VAT1L: variants seen among roughly 807,000 people sequenced by gnomAD.
VAT1L encodes the protein putative NADPH-dependent quinone oxidoreductase VAT1L.
In VAT1L, 34 loss-of-function variants were observed where a neutral mutation model predicts 44.1. That is an observed-to-expected ratio of 0.77 (90% CI 0.59 to 1.03). VAT1L has a LOEUF of 1.03. Ranked by LOEUF, VAT1L falls within the 50% of genes least tolerant of loss-of-function variation. The probability of loss-of-function intolerance (pLI) is 0.00; values close to 1 mark genes in which losing one functional copy is unlikely to be tolerated. For missense variants in VAT1L, 615 were observed against 538.8 expected (o/e 1.14, Z -1.40); for synonymous variants, 253 against 202.2 (o/e 1.25, Z -2.13).
intron 7 of VAT1L, among the ~76,000 whole-genome samples, chr16:77,924,969 G>C (rs2017650343): frequency 6.6e-6 from 1 of 152,122 alleles, no homozygotes; most frequent in Non-Finnish European, 1.5e-5. Flanking sequence ...ATTAAGATAT[G>C]TAAAACTATC....
rs191932960 is a variant in VAT1L at position 77,854,573 on chromosome 16, C to T, written c.580-8175C>T. ...TTGTAAGAAAAACGTAAGTATGGCT[C>T]ATGCATCCAATGTACTTGATTTTGT... On this transcript the variant is annotated intron_variant, in intron 3 of 8. Transcript: ENST00000302536. 3.3e-5 allele frequency among the ~76,000 whole-genome samples: 5 copies of T among 152,318 alleles called. No homozygotes were observed. In the East Asian group the frequency reaches 9.6e-4, roughly 29 times the overall value.
chr16:77,972,385 C>G (rs1316425060), intron 8 of VAT1L, among the ~76,000 whole-genome samples: 3 of 152,142 alleles, frequency 2.0e-5, no homozygotes, highest in African/African-American at 7.2e-5. Context: ...GTAGCACTAT[C>G]TCAACTCACT....
intron 4 of VAT1L, among the ~76,000 whole-genome samples, chr16:77,874,837 T>TG (rs1406487929): frequency 8.0e-6 from 1 of 124,398 alleles, no homozygotes; most frequent in Non-Finnish European, 1.7e-5. Context: ...CAAATTAATT[T>TG]GTAAAAAAAA....
chr16:77,887,560 C>T (rs1380465239), intron 7 of VAT1L, among the ~76,000 whole-genome samples: 1 of 152,156 alleles, frequency 6.6e-6, no homozygotes, highest in Non-Finnish European at 1.5e-5. Context: ...CAGCAAGACT[C>T]ATCTCCAACC....
chr16:77,889,457 G>T (rs1004706483), intron 7 of VAT1L, among the ~76,000 whole-genome samples: 3 of 152,156 alleles, frequency 2.0e-5, no homozygotes, highest in Non-Finnish European at 4.4e-5. Context: ...CAACCAAGCA[G>T]CAGTAACAGT....
intron 7 of VAT1L, among the ~76,000 whole-genome samples, chr16:77,948,891 T>C (rs1343270399): frequency 2.0e-5 from 3 of 152,162 alleles, no homozygotes; most frequent in African/African-American, 7.2e-5. Context: ...GAAGGGACTA[T>C]TCCATGGAAA....
In VAT1L at chr16:77,978,399, T is replaced by C. The variant is rs1403229530; in HGVS notation, c.*704T>C. Reference sequence around the variant, plus strand: ...AGTTTGAGGACCTGCTGTGAAGATTTCTCCTCCAAAATACATCTCATGGGC... The same window carrying C: ...AGTTTGAGGACCTGCTGTGAAGATTCCTCCTCCAAAATACATCTCATGGGC... On this transcript the variant is annotated 3_prime_UTR_variant, in exon 9 of 9. Coordinates refer to ENST00000302536, the MANE Select transcript of VAT1L (RefSeq NM_020927.3). The C allele has an allele frequency of 1.3e-5, 2 of 152,218 alleles. No individual in the cohort carries two copies. Among genetic ancestry groups the C allele is most frequent in the Non-Finnish European group, 2.9e-5 (2 of 68,074 alleles). The allele number at this position is 152,218 out of a possible 1,614,324, so 9.4% of individuals were successfully genotyped here. A position where few individuals can be genotyped will look rare whatever the true frequency, so the allele number is the denominator to read the frequency against.
chr16:77,805,865 C>CTTTTTTTTTTTTT lies in VAT1L; in HGVS notation c.234-11053_234-11041dup, dbSNP rs10689119. Among the ~76,000 whole-genome samples the CTTTTTTTTTTTTT allele has an allele frequency of 6.0e-3, 469 of 78,758 alleles. 60 individuals carry two copies. Among genetic ancestry groups the CTTTTTTTTTTTTT allele is most frequent in the Non-Finnish European group, 8.7e-3 (310 of 35,756 alleles). 51.7% of individuals were successfully genotyped at this position (78,758 alleles called of 152,430 possible). On this transcript the variant is annotated intron_variant, in intron 1 of 8. Transcript: ENST00000302536. Reference sequence around the variant, plus strand: ...GTGTTATTTTTTCCTTAGTCTCTGCCTTTTTTTTTTTTTTTGAGATGGAGT... The same window carrying CTTTTTTTTTTTTT: ...GTGTTATTTTTTCCTTAGTCTCTGCCTTTTTTTTTTTTTTTTTTTTTTTTTTTTGAGATGGAGT...
In VAT1L at chr16:77,872,167, GA is replaced by G. The variant is rs201447990; in HGVS notation, c.723-4201del. Reference sequence around the variant, plus strand: ...CACACAGCATGTAAGTAGCAGAAATGAATGCTTAACACTGAAATAAAATGTA... The same window carrying G: ...CACACAGCATGTAAGTAGCAGAAATGATGCTTAACACTGAAATAAAATGTA... On this transcript the variant is annotated intron_variant, in intron 4 of 8. Coordinates refer to ENST00000302536, the MANE Select transcript of VAT1L (RefSeq NM_020927.3). Among the ~76,000 whole-genome samples the G allele has an allele frequency of 5.2e-3, 790 of 152,278 alleles. 13 individuals are homozygous for G. Among genetic ancestry groups the G allele is most frequent in the Non-Finnish European group, 3.4e-3 (231 of 68,028 alleles).
chr16:77,901,676 G>A (rs185450835), intron 7 of VAT1L, among the ~76,000 whole-genome samples: 105 of 152,130 alleles, frequency 6.9e-4, no homozygotes, highest in Non-Finnish European at 1.3e-3. Context: ...ACACCCCATG[G>A]CAGACATCAC....
Position 77,860,611 on chromosome 16 carries a change from G to A in VAT1L, c.580-2137G>A, listed in dbSNP as rs75459846. Among the ~76,000 whole-genome samples the A allele has an allele frequency of 9.4e-3, 1,435 of 152,298 alleles. 33 individuals are homozygous for A. The highest frequency in any genetic ancestry group is 0.033 in the African/African-American group (1,377 of 41,550). On this transcript the variant is annotated intron_variant, in intron 3 of 8. Transcript: ENST00000302536. ...CAGTAGTAAGAAGGTTATCTCAAGC[G>A]CTGTCCATAAGGAGCTATAACTATG...
At chr16:77,802,568 T>G (rs917797727) in intron 1 of VAT1L, among the ~76,000 whole-genome samples, 1 of 150,838 alleles carries the variant, frequency 6.6e-6, no homozygotes, top group Non-Finnish European at 1.5e-5. Flanking sequence ...GAGCCGAGAT[T>G]GTGCCACTGC....
intron 7 of VAT1L, among the ~76,000 whole-genome samples, chr16:77,886,427 C>T (rs1359260083): frequency 6.6e-6 from 1 of 152,152 alleles, no homozygotes; most frequent in Non-Finnish European, 1.5e-5. Flanking sequence ...TACACTTGAA[C>T]TCAGTGCCCA....
chr16:77,844,492 T>C (rs373290787), intron 3 of VAT1L, among the ~76,000 whole-genome samples: 2 of 152,256 alleles, frequency 1.3e-5, no homozygotes, highest in East Asian at 3.9e-4. Flanking sequence ...CCCTGCAACC[T>C]CCGCCTCCCA....
chr16:77,841,515 G>T (rs9938439), intron 3 of VAT1L, among the ~76,000 whole-genome samples: 2,677 of 152,276 alleles, frequency 0.018, 77 homozygotes, highest in African/African-American at 0.062. Context: ...TGGTAGTCAT[G>T]GGACACTGGA....
Position 77,788,878 on chromosome 16 carries a change from C to A in VAT1L, c.196C>A (p.Pro66Thr). 1 of 1,556,912 alleles carries A rather than the reference C, an allele frequency of 6.4e-7. No homozygotes were observed. Among genetic ancestry groups the A allele is most frequent in the Non-Finnish European group, 8.7e-7 (1 of 1,153,010 alleles). Residue 66 changes from proline (P) to threonine (T), a missense_variant, in exon 1 of 9, where the codon CCT (proline) becomes ACT (threonine). Coordinates refer to ENST00000302536, the MANE Select transcript of VAT1L (RefSeq NM_020927.3). ...GCTCTTCAGGAAGGCCATGCCCGAG[C>A]CTCAGGACGGCGAGCTCAAGATCCG... ...LRLFRKAMPE[P>T]QDGELKIRVK...
chr16:77,879,067 T>C lies in VAT1L; in HGVS notation c.827-102T>C. On this transcript the variant is annotated intron_variant, in intron 5 of 8. Transcript: ENST00000302536. The surrounding 1 kb of genome is among the most constrained non-coding windows in gnomAD (Gnocchi z 4.1). ...GGCTTAATTAAATTTGTTTTCAAGA[T>C]TTCTCCAGTTCCGGACCAAACAATT... 2 of 1,177,404 alleles carry C rather than the reference T, an allele frequency of 1.7e-6. No individual in the cohort carries two copies. The highest frequency in any genetic ancestry group is 2.5e-6 in the Non-Finnish European group (2 of 801,366). 72.9% of individuals were successfully genotyped at this position (1,177,404 alleles called of 1,614,324 possible). A position where few individuals can be genotyped will look rare whatever the true frequency, so the allele number is the denominator to read the frequency against.
intron 7 of VAT1L, among the ~76,000 whole-genome samples, chr16:77,930,261 T>C (rs1187021702): frequency 1.3e-5 from 2 of 152,222 alleles, no homozygotes; most frequent in African/African-American, 2.4e-5. Flanking sequence ...CTGTCTTTCC[T>C]GGTCATGCAT....
intron 3 of VAT1L, among the ~76,000 whole-genome samples, chr16:77,852,601 C>T (rs931580243): frequency 6.6e-6 from 1 of 152,230 alleles, no homozygotes; most frequent in Non-Finnish European, 1.5e-5. Context: ...AGTTCCCTTG[C>T]TCTTTCCGAG....
Sources: gnomAD v4.1 joint callset for allele counts (sites outside exome capture counted in the v4.1 genomes callset) on GRCh38, gnomAD v4.1.1 for gene constraint, Gnocchi (gnomAD v3.1) non-coding constraint, MANE v1.5 for transcripts, NCBI Gene and HGNC (gene_info 2026-07-23, HGNC 2026-07-21) for gene names.